Variants in CNNM4 observed in about 807,000 individuals in gnomAD.
The protein encoded by CNNM4 is metal transporter CNNM4.
A neutral mutation model predicts 53.7 loss-of-function variants in CNNM4; 32 were observed. That is an observed-to-expected ratio of 0.60 (90% confidence interval 0.45 to 0.80). CNNM4 has a LOEUF of 0.80. CNNM4 is among the 30% of genes least tolerant of loss of function. The probability of loss-of-function intolerance (pLI) is 0.00; values close to 1 mark genes in which losing one functional copy is unlikely to be tolerated. For missense variants in CNNM4, 784 were observed against 1,022.0 expected, an observed-to-expected ratio of 0.77 and a Z score of 3.17; for synonymous variants, 410 against 440.0, an observed-to-expected ratio of 0.93 and a Z score of 0.85.
intron 1 of CNNM4, among the ~76,000 whole-genome samples, chr2:96,777,911 G>A (rs1271265379): frequency 6.6e-6 from 1 of 151,158 alleles, no homozygotes; most frequent in African/African-American, 2.4e-5. Flanking sequence ...TTGTCACCCA[G>A]GCTGGAGCAC....
At chr2:96,762,879 C>T (rs2078778446) in intron 1 of CNNM4, among the ~76,000 whole-genome samples, 1 of 152,054 alleles carries the variant, frequency 6.6e-6, no homozygotes, top group African/African-American at 2.4e-5. Context: ...AGTGGAGAAG[C>T]AAAAGTGTGC....
At chr2:96,778,133 C>G (rs1317531558) in intron 1 of CNNM4, among the ~76,000 whole-genome samples, 3 of 151,926 alleles carry the variant, frequency 2.0e-5, no homozygotes, top group Admixed American at 2.0e-4. Context: ...TCCCAAAGTG[C>G]TGGGATTACA....
intron 1 of CNNM4, among the ~76,000 whole-genome samples, chr2:96,788,288 T>A (rs1188171696): frequency 6.7e-6 from 1 of 149,458 alleles, no homozygotes; most frequent in Non-Finnish European, 1.5e-5. Flanking sequence ...AGGGTCTCAC[T>A]CTGTCTCAGA....
intron 1 of CNNM4, among the ~76,000 whole-genome samples, chr2:96,796,513 G>C (rs1405433189): frequency 2.6e-5 from 4 of 152,162 alleles, no homozygotes; most frequent in Non-Finnish European, 5.9e-5. Context: ...TGTATTCCCA[G>C]CACTTTGGGA....
intron 1 of CNNM4, among the ~76,000 whole-genome samples, chr2:96,770,501 G>C (rs1016269665): frequency 1.3e-5 from 2 of 152,242 alleles, no homozygotes; most frequent in Non-Finnish European, 2.9e-5. Flanking sequence ...ACTCTGGTAC[G>C]TGTTGCCCTG....
At chr2:96,781,215 G>A (rs1044267380) in intron 1 of CNNM4, among the ~76,000 whole-genome samples, 5 of 152,010 alleles carry the variant, frequency 3.3e-5, no homozygotes, top group Non-Finnish European at 5.9e-5. Flanking sequence ...TCCTGACCTC[G>A]TGATCCACCT....
At chr2:96,783,505 G>C (rs1055993770) in intron 1 of CNNM4, among the ~76,000 whole-genome samples, 3 of 152,192 alleles carry the variant, frequency 2.0e-5, no homozygotes, top group Admixed American at 1.3e-4. Flanking sequence ...TTCTTCAGCA[G>C]ATGGCTCAAG....
Position 96,760,937 on chromosome 2 carries a change from G to C in CNNM4, c.-63G>C. On this transcript the variant is annotated 5_prime_UTR_variant, in exon 1 of 7. Transcript: ENST00000377075. ...GCGGCAGCGGAGCGGCCGGAGCTGC[G>C]GTGCGGACCGGGGCCGCGCGGCGTG... is the stretch of plus-strand genomic sequence containing the variant. 4 of 892,804 alleles carry C rather than the reference G, an allele frequency of 4.5e-6. No homozygotes were observed. Among genetic ancestry groups the C allele is most frequent in the Non-Finnish European group, 5.4e-6 (4 of 745,258 alleles). 55.3% of individuals were successfully genotyped at this position (892,804 alleles called of 1,614,324 possible).
At chr2:96,774,249 G>A (rs2078904392) in intron 1 of CNNM4, among the ~76,000 whole-genome samples, 1 of 152,080 alleles carries the variant, frequency 6.6e-6, no homozygotes, top group Non-Finnish European at 1.5e-5. Context: ...AGGTGTCTCA[G>A]GGAGGGAGGG....
In CNNM4 at chr2:96,799,545, T is replaced by C; in HGVS notation, c.1852-7T>C. On this transcript the variant is annotated splice_polypyrimidine_tract_variant and splice_region_variant and intron_variant, in intron 4 of 6. Coordinates refer to ENST00000377075, the MANE Select transcript of CNNM4 (RefSeq NM_020184.4). ...TGGTCTCTAACTCCAGCCCTGTGTTTTTTCAGGGGAAGGTGGAGGTGGAGG... is the reference window on the plus strand; with the variant it reads ...TGGTCTCTAACTCCAGCCCTGTGTTCTTTCAGGGGAAGGTGGAGGTGGAGG... 1 of 1,553,108 alleles carries C rather than the reference T, an allele frequency of 6.4e-7. No individual in the cohort carries two copies. The highest frequency in any genetic ancestry group is 8.7e-7 in the Non-Finnish European group (1 of 1,147,474).
chr2:96,793,396 A>G, intron 1 of CNNM4, among the ~76,000 whole-genome samples: 1 of 152,212 alleles, frequency 6.6e-6, no homozygotes, highest in South Asian at 2.1e-4. Context: ...CTGGCCCCTT[A>G]GGCTGGAACC....
chr2:96,810,439 G>A lies in CNNM4; in HGVS notation c.*922G>A, dbSNP rs558251134. ...GTTCTCCCTCGGCGGGAGGGCATCTGTGTTGGAGGTGATTTGTCTGGGTTC... is the reference window on the plus strand; with the variant it reads ...GTTCTCCCTCGGCGGGAGGGCATCTATGTTGGAGGTGATTTGTCTGGGTTC... On this transcript the variant is annotated 3_prime_UTR_variant, in exon 7 of 7. Transcript: ENST00000377075. The surrounding 1 kb of genome is among the most constrained non-coding windows in gnomAD (Gnocchi z 4.1). 3.3e-5 allele frequency: 5 copies of A among 152,852 alleles called. No individual in the cohort carries two copies. The East Asian group carries it at 9.6e-4, about 29-fold the overall frequency. 9.5% of individuals were successfully genotyped at this position (152,852 alleles called of 1,614,324 possible). A position where few individuals can be genotyped will look rare whatever the true frequency, so the allele number is the denominator to read the frequency against.
intron 5 of CNNM4, among the ~76,000 whole-genome samples, chr2:96,806,525 A>G (rs928757624): frequency 5.6e-5 from 8 of 141,906 alleles, no homozygotes; most frequent in African/African-American, 1.1e-4. Flanking sequence ...ACACACACAC[A>G]CACACACACA....
At position 96,808,621 on chromosome 2, in the gene CNNM4, G is replaced by A. The variant is rs769185337; in HGVS notation, c.2009G>A (p.Arg670His). ...SRSASLSYPD[R>H]TDVSTAATLA... ...TCAGCCTCCCTCAGTTACCCAGACC[G>A]CACAGACGTCTCAACTGCAGCAACC... is the stretch of plus-strand genomic sequence containing the variant. Residue 670 changes from arginine to histidine, a missense_variant, in exon 6 of 7, where the codon CGC (arginine) becomes CAC (histidine). By Grantham distance (29) the Arg-to-His change is conservative (BLOSUM62 0). Coordinates refer to ENST00000377075, the MANE Select transcript of CNNM4 (RefSeq NM_020184.4). The surrounding 1 kb of genome is among the most constrained non-coding windows in gnomAD (Gnocchi z 4.9). The A allele has an allele frequency of 1.7e-5, 28 of 1,614,054 alleles. No homozygotes were observed. The highest frequency in any genetic ancestry group is 7.7e-5 in the South Asian group (7 of 91,068).
chr2:96,809,527 C>G lies in CNNM4; in HGVS notation c.*10C>G. 1 of 1,613,944 alleles carries G rather than the reference C, an allele frequency of 6.2e-7. No individual in the cohort carries two copies. The highest frequency in any genetic ancestry group is 8.5e-7 in the Non-Finnish European group (1 of 1,179,880). ...CGAGAATGCCATCTGACAGGAGGGC[C>G]CGGGGCCCCCTGCCCACCCTGCGGG... On this transcript the variant is annotated 3_prime_UTR_variant, in exon 7 of 7. Coordinates refer to ENST00000377075, the MANE Select transcript of CNNM4 (RefSeq NM_020184.4).
At chr2:96,762,944 G>T (rs1270708957) in intron 1 of CNNM4, among the ~76,000 whole-genome samples, 1 of 152,130 alleles carries the variant, frequency 6.6e-6, no homozygotes, top group African/African-American at 2.4e-5. Flanking sequence ...GATGCTTAGT[G>T]GTCAATGGCT....
At chr2:96,806,142 C>T (rs1193002302) in intron 5 of CNNM4, among the ~76,000 whole-genome samples, 4 of 143,522 alleles carry the variant, frequency 2.8e-5, no homozygotes, top group Admixed American at 2.7e-4. Context: ...ACCCCCCCAC[C>T]GCCCTCCCGG....
In CNNM4 at chr2:96,809,409, GGAGAACTTGGCC is replaced by G. The variant is rs754946713; in HGVS notation, c.2226_2237del (p.Asn742_Glu745del). 6.2e-7 allele frequency: 1 copy of G among 1,614,168 alleles called. No homozygotes were observed. The highest frequency in any genetic ancestry group is 1.3e-5 in the African/African-American group (1 of 75,040). ...CCATAGACGGGTGCACCACCCACAT[GGAGAACTTGGCC>G]GAGAAGTCTGAGCTGCCTGTGGTGG... On this transcript the variant is annotated inframe_deletion, in exon 7 of 7. Transcript: ENST00000377075.
intron 1 of CNNM4, chr2:96,788,462 C>T (rs1399742470): frequency 6.6e-6 from 1 of 152,120 alleles, no homozygotes; most frequent in Non-Finnish European, 1.5e-5. Flanking sequence ...CCCAGCTGCC[C>T]TCCCCGAGGC....
Sources: gnomAD v4.1 joint callset for allele counts (sites outside exome capture counted in the v4.1 genomes callset) on GRCh38, gnomAD v4.1.1 for gene constraint, Gnocchi (gnomAD v3.1) non-coding constraint, MANE v1.5 for transcripts, NCBI Gene and HGNC (gene_info 2026-07-23, HGNC 2026-07-21) for gene names.